The following ARID5B variants were observed in gnomAD, a reference collection of about 807,000 sequenced individuals.
The protein encoded by ARID5B is AT-rich interactive domain-containing protein 5B.
A neutral mutation model predicts 97.2 loss-of-function variants in ARID5B; 13 were observed. That is an observed-to-expected ratio of 0.13 (90% CI 0.09 to 0.21). The LOEUF (loss-of-function observed/expected upper bound fraction) is 0.21. Ranked by LOEUF, ARID5B falls within the 10% of genes least tolerant of loss-of-function variation. The probability of loss-of-function intolerance (pLI) is 1.00; values close to 1 mark genes in which losing one functional copy is unlikely to be tolerated. For synonymous variants in ARID5B, 556 were observed against 570.3 expected, an observed-to-expected ratio of 0.97 and a Z score of 0.36; for missense variants, 1,210 against 1,465.3, an observed-to-expected ratio of 0.83 and a Z score of 2.84.
At chr10:62,084,098 T>TC (rs1190177156) in intron 8 of ARID5B, among the ~76,000 whole-genome samples, 2 of 152,176 alleles carry the variant, frequency 1.3e-5, no homozygotes, top group African/African-American at 4.8e-5. Flanking sequence ...AGATAACTAT[T>TC]CCCCATGGGC....
chr10:61,936,582 A>C (rs1844304577), intron 2 of ARID5B, among the ~76,000 whole-genome samples: 1 of 152,250 alleles, frequency 6.6e-6, no homozygotes. Context: ...GTGCCACTGC[A>C]CTTCAGCCTG....
intron 3 of ARID5B, among the ~76,000 whole-genome samples, chr10:61,955,044 T>C (rs2132815217): frequency 6.6e-6 from 1 of 152,136 alleles, no homozygotes; most frequent in South Asian, 2.1e-4. Flanking sequence ...GCCATGGTTT[T>C]GTGTGTGTTA....
At chr10:62,038,752 G>A (rs955221048) in intron 4 of ARID5B, among the ~76,000 whole-genome samples, 2 of 152,186 alleles carry the variant, frequency 1.3e-5, no homozygotes, top group African/African-American at 4.8e-5. Context: ...CAAGATGAAT[G>A]TTGTCACCTG....
chr10:61,967,294 T>A (rs1838559389), intron 3 of ARID5B, among the ~76,000 whole-genome samples: 1 of 152,250 alleles, frequency 6.6e-6, no homozygotes, highest in Admixed American at 6.5e-5. Context: ...TATATCTTCC[T>A]AACTTGACTC....
intron 2 of ARID5B, among the ~76,000 whole-genome samples, chr10:61,911,318 T>A (rs566067647): frequency 6.6e-6 from 1 of 152,360 alleles, no homozygotes; most frequent in African/African-American, 2.4e-5. Flanking sequence ...AAATTGGCTC[T>A]TTTTGTGCTG....
intron 2 of ARID5B, among the ~76,000 whole-genome samples, chr10:61,931,961 A>T (rs1277700639): frequency 6.6e-6 from 1 of 152,224 alleles, no homozygotes; most frequent in Admixed American, 6.5e-5. Flanking sequence ...TAGAAAAATT[A>T]CATCCATACT....
Position 62,000,747 on chromosome 10 carries a change from TAGAA to T in ARID5B, c.733+432_733+435del, listed in dbSNP as rs1404526596. ...AGTAAACAGTGAATAGATAAATAGA[TAGAA>T]AGAAAACAACTTCAGTACTGTATGG... On this transcript the variant is annotated intron_variant, in intron 4 of 9. Coordinates refer to ENST00000279873, the MANE Select transcript of ARID5B (RefSeq NM_032199.3). The surrounding 1 kb of genome is among the most constrained non-coding windows in gnomAD (Gnocchi z 4.4). Among the ~76,000 whole-genome samples, 2 of 151,984 alleles carry T rather than the reference TAGAA, an allele frequency of 1.3e-5. No individual in the cohort carries two copies. Among genetic ancestry groups the T allele is most frequent in the Admixed American group, 6.6e-5 (1 of 15,264 alleles).
intron 2 of ARID5B, among the ~76,000 whole-genome samples, chr10:61,912,689 T>C (rs1843827325): frequency 6.6e-6 from 1 of 151,140 alleles, no homozygotes; most frequent in African/African-American, 2.4e-5. Context: ...TATATATGTA[T>C]ACACACATAC....
chr10:62,019,058 G>A (rs1038670701), intron 4 of ARID5B, among the ~76,000 whole-genome samples: 4 of 152,144 alleles, frequency 2.6e-5, no homozygotes, highest in Admixed American at 1.3e-4. Context: ...CCATCAATCA[G>A]AATACCAAAT....
At chr10:62,058,358 T>G (rs1839882870) in intron 6 of ARID5B, among the ~76,000 whole-genome samples, 1 of 152,200 alleles carries the variant, frequency 6.6e-6, no homozygotes, top group African/African-American at 2.4e-5. Context: ...GAACATGTTG[T>G]GTCAAAGAGC....
At chr10:61,996,301 A>G (rs558068025) in intron 3 of ARID5B, among the ~76,000 whole-genome samples, 2 of 152,182 alleles carry the variant, frequency 1.3e-5, no homozygotes, top group African/African-American at 4.8e-5. Context: ...ATTTGACTTG[A>G]TCAAAGGCCA....
At chr10:61,965,299 A>T (rs988932656) in intron 3 of ARID5B, among the ~76,000 whole-genome samples, 1 of 152,190 alleles carries the variant, frequency 6.6e-6, no homozygotes, top group Non-Finnish European at 1.5e-5. Flanking sequence ...CTCTTTAAAG[A>T]TAATAGGAAA....
chr10:61,962,158 T>G (rs1412237599), intron 3 of ARID5B, among the ~76,000 whole-genome samples: 1 of 152,216 alleles, frequency 6.6e-6, no homozygotes, highest in Non-Finnish European at 1.5e-5. Flanking sequence ...AACTGAGTCC[T>G]GGGTAAAATG....
chr10:61,923,397 A>G (rs966111185), intron 2 of ARID5B, among the ~76,000 whole-genome samples: 1 of 152,154 alleles, frequency 6.6e-6, no homozygotes. Context: ...TTTGTTTACT[A>G]TCTGGCTCTT....
Position 62,091,452 on chromosome 10 carries a change from T to C in ARID5B, c.1989T>C (p.Thr663=). The C allele has an allele frequency of 6.2e-7, 1 of 1,611,846 alleles. No individual in the cohort carries two copies. ...SFDMFKDKDL[T]GPMNENHGLN... ...ACATGTTCAAAGACAAAGACCTGAC[T>C]GGGCCCATGAACGAGAACCATGGAC... The change falls in exon 10 of 10, where the codon ACT becomes ACC. Residue 663 remains threonine (T), a synonymous_variant. Transcript: ENST00000279873.
chr10:62,075,031 T>C (rs896152059), intron 8 of ARID5B, among the ~76,000 whole-genome samples: 2 of 152,226 alleles, frequency 1.3e-5, no homozygotes, highest in African/African-American at 4.8e-5. Flanking sequence ...GATGGGAAAT[T>C]TAGAAAACTC....
At chr10:62,067,342 C>T (rs1159531301) in intron 7 of ARID5B, among the ~76,000 whole-genome samples, 1 of 152,230 alleles carries the variant, frequency 6.6e-6, no homozygotes, top group Non-Finnish European at 1.5e-5. Flanking sequence ...CTCGGCCTCC[C>T]AAAGTGCTGG....
chr10:61,926,643 T>C (rs1318858587), intron 2 of ARID5B, among the ~76,000 whole-genome samples: 1 of 152,160 alleles, frequency 6.6e-6, no homozygotes, highest in East Asian at 1.9e-4. Context: ...AGAGTCTCGC[T>C]CTGTCACCAG....
chr10:61,904,902 C>T (rs1363188812), intron 2 of ARID5B, among the ~76,000 whole-genome samples: 1 of 152,142 alleles, frequency 6.6e-6, no homozygotes, highest in Non-Finnish European at 1.5e-5. Flanking sequence ...ATGTCATTTC[C>T]CCCCTGGCCT....
Sources: gnomAD v4.1 joint callset for allele counts (sites outside exome capture counted in the v4.1 genomes callset) on GRCh38, gnomAD v4.1.1 for gene constraint, Gnocchi (gnomAD v3.1) non-coding constraint, MANE v1.5 for transcripts, NCBI Gene and HGNC (gene_info 2026-07-23, HGNC 2026-07-21) for gene names.